SORCS3: variants seen among roughly 807,000 people sequenced by gnomAD.
SORCS3 encodes the protein VPS10 domain-containing receptor SorCS3.
A neutral mutation model predicts 146.3 loss-of-function variants in SORCS3; 57 were observed. The observed-to-expected ratio is 0.39, with a 90% CI of 0.31 to 0.49. The LOEUF (loss-of-function observed/expected upper bound fraction) is 0.49, where lower values mean the gene tolerates loss of function less well. SORCS3 is among the 20% of genes least tolerant of loss of function. SORCS3 has a pLI of 0.92. For synonymous variants in SORCS3, 653 were observed against 618.5 expected (o/e 1.06, Z -0.83); for missense variants, 1,341 against 1,575.5 (o/e 0.85, Z 2.52).
intron 1 of SORCS3, among the ~76,000 whole-genome samples, chr10:104,800,361 A>G (rs2017611109): frequency 6.6e-6 from 1 of 152,202 alleles, no homozygotes; most frequent in Admixed American, 6.5e-5. Flanking sequence ...ACCACAGAGT[A>G]TTTTTAAGGC....
At chr10:104,991,555 G>A (rs1368755704) in intron 4 of SORCS3, among the ~76,000 whole-genome samples, 2 of 148,810 alleles carry the variant, frequency 1.3e-5, no homozygotes, top group African/African-American at 2.5e-5. Flanking sequence ...AGGCTGGAGT[G>A]CAGTGGTGCG....
chr10:105,244,582 T>C (rs1482604628), intron 20 of SORCS3, among the ~76,000 whole-genome samples: 1 of 152,246 alleles, frequency 6.6e-6, no homozygotes, highest in East Asian at 1.9e-4. Flanking sequence ...CCTTGAGAAC[T>C]TCCTATATGT....
intron 14 of SORCS3, among the ~76,000 whole-genome samples, chr10:105,192,929 C>A (rs2056524606): frequency 6.6e-6 from 1 of 152,156 alleles, no homozygotes; most frequent in Non-Finnish European, 1.5e-5. Context: ...AGGAAAACAT[C>A]TTTACAGAGC....
At chr10:104,937,635 C>G (rs1367519388) in intron 3 of SORCS3, among the ~76,000 whole-genome samples, 1 of 152,154 alleles carries the variant, frequency 6.6e-6, no homozygotes, top group East Asian at 1.9e-4. Context: ...CAGTCTAGAG[C>G]AAAGTAAGTT....
At chr10:105,082,753 CAG>C (rs1415166196) in intron 5 of SORCS3, among the ~76,000 whole-genome samples, 4 of 152,080 alleles carry the variant, frequency 2.6e-5, no homozygotes, top group African/African-American at 9.7e-5. Flanking sequence ...TATTTTTAGA[CAG>C]AGTCTCACCC....
At chr10:104,933,780 T>C (rs1381902130) in intron 3 of SORCS3, among the ~76,000 whole-genome samples, 1 of 152,178 alleles carries the variant, frequency 6.6e-6, no homozygotes, top group Non-Finnish European at 1.5e-5. Context: ...CAAAATCTTA[T>C]TCCTCTTTCA....
chr10:105,122,622 C>T (rs780377125), intron 7 of SORCS3, among the ~76,000 whole-genome samples: 11 of 152,150 alleles, frequency 7.2e-5, no homozygotes, highest in East Asian at 1.9e-4. Flanking sequence ...AGACGGAGAA[C>T]GTGTCAGTCC....
At chr10:104,645,511 C>T (rs979028585) in intron 1 of SORCS3, among the ~76,000 whole-genome samples, 2 of 152,220 alleles carry the variant, frequency 1.3e-5, no homozygotes, top group Admixed American at 1.3e-4. Flanking sequence ...TGCATCTGCC[C>T]TCACATTGGT....
intron 1 of SORCS3, among the ~76,000 whole-genome samples, chr10:104,780,752 C>G (rs1046015026): frequency 1.3e-5 from 2 of 152,188 alleles, no homozygotes; most frequent in Non-Finnish European, 2.9e-5. Context: ...TTGTTCACAA[C>G]TGGGAATTGC....
intron 1 of SORCS3, among the ~76,000 whole-genome samples, chr10:104,671,509 A>ATTTTTTTTTTTCT (rs2015854200): frequency 1.4e-5 from 2 of 143,422 alleles, no homozygotes; most frequent in South Asian, 4.5e-4. Flanking sequence ...TAACTTAAAT[A>ATTTTTTTTTTTCT]TTTTTTTTTT....
At chr10:105,181,558 A>T (rs2056443075) in intron 14 of SORCS3, among the ~76,000 whole-genome samples, 2 of 152,132 alleles carry the variant, frequency 1.3e-5, no homozygotes, top group South Asian at 2.1e-4. Flanking sequence ...CATTTCTAAC[A>T]CCGTAGCTTT....
chr10:105,020,301 C>T (rs74155093), intron 4 of SORCS3, among the ~76,000 whole-genome samples: 2,248 of 152,282 alleles, frequency 0.015, 50 homozygotes, highest in African/African-American at 0.051. Context: ...ATACTGACCA[C>T]ATAGAATACT....
chr10:105,015,903 T>C (rs1292692567), intron 4 of SORCS3, among the ~76,000 whole-genome samples: 1 of 150,998 alleles, frequency 6.6e-6, no homozygotes, highest in Admixed American at 6.6e-5. Flanking sequence ...CTAATTTTTA[T>C]GTTTTTAGTA....
At chr10:105,080,042 T>C (rs2055612976) in intron 5 of SORCS3, among the ~76,000 whole-genome samples, 1 of 152,214 alleles carries the variant, frequency 6.6e-6, no homozygotes, top group Non-Finnish European at 1.5e-5. Flanking sequence ...GTCTTTATGA[T>C]AGAATGATTT....
At chr10:104,798,139 C>T (rs929762189) in intron 1 of SORCS3, among the ~76,000 whole-genome samples, 1 of 152,324 alleles carries the variant, frequency 6.6e-6, no homozygotes, top group Middle Eastern at 3.4e-3. Context: ...TCCTGAGACT[C>T]TCTCAGTGCC....
At chr10:105,055,475 G>A (rs1339719468) in intron 5 of SORCS3, among the ~76,000 whole-genome samples, 1 of 152,130 alleles carries the variant, frequency 6.6e-6, no homozygotes, top group Non-Finnish European at 1.5e-5. Flanking sequence ...TTTGTGACCA[G>A]TGCTCCACCA....
intron 1 of SORCS3, among the ~76,000 whole-genome samples, chr10:104,673,634 T>A (rs2015882237): frequency 6.6e-6 from 1 of 152,016 alleles, no homozygotes. Flanking sequence ...TTTTTTTTGG[T>A]AGAGACAGGG....
chr10:105,212,036 C>G (rs1034036197), intron 17 of SORCS3, among the ~76,000 whole-genome samples: 1 of 152,164 alleles, frequency 6.6e-6, no homozygotes, highest in Non-Finnish European at 1.5e-5. Flanking sequence ...GGATGCCAGT[C>G]TTAACTCTCC....
At chr10:105,148,277 A>G (rs2056146110) in intron 9 of SORCS3, among the ~76,000 whole-genome samples, 1 of 152,116 alleles carries the variant, frequency 6.6e-6, no homozygotes, top group Non-Finnish European at 1.5e-5. Flanking sequence ...TTTTTCTAAG[A>G]TTCCACCAGA....
Sources: gnomAD v4.1 joint callset for allele counts (sites outside exome capture counted in the v4.1 genomes callset) on GRCh38, gnomAD v4.1.1 for gene constraint, MANE v1.5 for transcripts, NCBI Gene and HGNC (gene_info 2026-07-23, HGNC 2026-07-21) for gene names.